The following FNDC1 variants were observed in gnomAD, a reference collection of about 807,000 sequenced individuals.
The protein encoded by FNDC1 is fibronectin type III domain containing 1.
A neutral mutation model predicts 168.0 loss-of-function variants in FNDC1; 96 were observed. The ratio of observed to expected loss-of-function variants is 0.57; its 90% CI spans 0.48 to 0.68. The LOEUF (loss-of-function observed/expected upper bound fraction) is 0.68. FNDC1 is among the 30% of genes least tolerant of loss of function. The pLI, the probability that FNDC1 is intolerant of heterozygous loss-of-function variation, is 0.00. For synonymous variants in FNDC1, 1,099 were observed against 1,025.9 expected (o/e 1.07, Z -1.36); for missense variants, 2,587 against 2,482.1 (o/e 1.04, Z -0.90).
Position 159,236,324 on chromosome 6 carries a change from A to C in FNDC1, c.4068+9A>C, listed in dbSNP as rs764667428. 6.3e-7 allele frequency: 1 copy of C among 1,591,872 alleles called. No homozygotes were observed. Among genetic ancestry groups the C allele is most frequent in the South Asian group, 1.1e-5 (1 of 90,076 alleles). On this transcript the variant is annotated intron_variant, in intron 12 of 22. Coordinates refer to ENST00000297267, the MANE Select transcript of FNDC1 (RefSeq NM_032532.3). ...CTCAAGGAACAAAGTGGGTAGGGTA[A>C]ACTTCTTTACACATCCCCGTTGTTT...
chr6:159,204,948 G>A (rs1562636316), intron 4 of FNDC1, among the ~76,000 whole-genome samples: 1 of 152,138 alleles, frequency 6.6e-6, no homozygotes, highest in Non-Finnish European at 1.5e-5. Context: ...GGGGGATGAA[G>A]GTTTCAGCTG....
intron 1 of FNDC1, among the ~76,000 whole-genome samples, chr6:159,176,054 CT>C (rs1231933703): frequency 1.3e-5 from 2 of 152,192 alleles, no homozygotes; most frequent in Non-Finnish European, 2.9e-5. Context: ...CATTTAAATG[CT>C]GGGCTCTGCT....
At chr6:159,196,143 G>A (rs1310084014) in intron 1 of FNDC1, among the ~76,000 whole-genome samples, 2 of 152,220 alleles carry the variant, frequency 1.3e-5, no homozygotes, top group African/African-American at 4.8e-5. Context: ...ATTTCCCAAA[G>A]AGCATGAGCC....
chr6:159,213,605 C>G (rs1782650148), intron 4 of FNDC1, among the ~76,000 whole-genome samples: 2 of 151,936 alleles, frequency 1.3e-5, no homozygotes, highest in Non-Finnish European at 2.9e-5. Context: ...GCTGTCTCTG[C>G]TCAATGATTT....
rs534596704 is a variant in FNDC1, at chr6:159,236,239, A to G, written c.3992A>G (p.Glu1331Gly). The G allele has an allele frequency of 6.2e-7, 1 of 1,613,658 alleles. No individual in the cohort carries two copies. The highest frequency in any genetic ancestry group is 1.3e-5 in the African/African-American group (1 of 75,050). ...GGTTATAATGGCAGACCAAATGTAG[A>G]AGGGAAAGTCCTTCCTGGTAGTAAT... Reference protein sequence around the residue: ...RQGYNGRPNVEGKVLPGSNGK... With the variant: ...RQGYNGRPNVGGKVLPGSNGK... The change falls in exon 12 of 23, where the codon GAA becomes GGA. Residue 1331 changes from glutamate (E) to glycine (G), a missense_variant. Transcript: ENST00000297267.
chr6:159,226,571 A>T lies in FNDC1; in HGVS notation c.1171A>T (p.Lys391Ter), dbSNP rs770652051. Residue 391 changes from lysine (K) to a stop codon, truncating the protein, a stop_gained, in exon 9 of 23, where the codon AAA becomes TAA. Coordinates refer to ENST00000297267, the MANE Select transcript of FNDC1 (RefSeq NM_032532.3). LOFTEE classifies it high-confidence loss of function. ...GGATGCGCTACCAGAGACTGAGGGG[A>T]AAGTGAAAGGTAGGAATCTCACTCC... Reference protein sequence around the residue: ...SWDALPETEGKVKEYILSYAP... With the variant: ...SWDALPETEG 1 of 1,603,808 alleles carries T rather than the reference A, an allele frequency of 6.2e-7. No individual in the cohort carries two copies. The highest frequency in any genetic ancestry group is 8.5e-7 in the Non-Finnish European group (1 of 1,174,682).
At chr6:159,258,763 A>G (rs1034775898) in intron 18 of FNDC1, among the ~76,000 whole-genome samples, 1 of 152,216 alleles carries the variant, frequency 6.6e-6, no homozygotes, top group African/African-American at 2.4e-5. Context: ...TAGAGCTAAG[A>G]AAGTACAAGT....
rs761371632 is a variant in FNDC1 at position 159,200,537 on chromosome 6, G to A, written c.416G>A (p.Gly139Asp). The A allele has an allele frequency of 1.9e-6, 3 of 1,600,670 alleles. No individual in the cohort carries two copies. In the South Asian group the frequency reaches 3.4e-5, roughly 18 times the overall value. Residue 139 changes from glycine (G) to aspartate (D), a missense_variant, in exon 4 of 23, where the codon GGT becomes GAT. Coordinates refer to ENST00000297267, the MANE Select transcript of FNDC1 (RefSeq NM_032532.3). ...GGAGGTGAATGGATCGAGATTGATG[G>A]TTTTCCCATTAAGGGTCCAGGACCA... Reference protein sequence around the residue: ...PPGGEWIEIDGFPIKGPGPFN... With the variant: ...PPGGEWIEIDDFPIKGPGPFN...
intron 15 of FNDC1, among the ~76,000 whole-genome samples, chr6:159,247,414 G>T (rs528757416): frequency 1.3e-5 from 2 of 152,024 alleles, no homozygotes; most frequent in Admixed American, 6.5e-5. Flanking sequence ...TAGATCTGTT[G>T]ATTTCTTATC....
At chr6:159,220,330 C>T (rs569427386) in intron 5 of FNDC1, among the ~76,000 whole-genome samples, 1 of 152,348 alleles carries the variant, frequency 6.6e-6, no homozygotes, top group South Asian at 2.1e-4. Context: ...AAGGAGAGTG[C>T]GTGCTCTCAG....
intron 7 of FNDC1, 45 bp downstream of exon 7, chr6:159,223,690 T>A: frequency 8.5e-7 from 1 of 1,170,458 alleles, no homozygotes; most frequent in Non-Finnish European, 1.3e-6. Context: ...GAGATGGGGT[T>A]TTTCTGGCCC....
chr6:159,225,325 A>C (rs573652745), intron 7 of FNDC1, among the ~76,000 whole-genome samples: 2 of 151,168 alleles, frequency 1.3e-5, no homozygotes, highest in South Asian at 4.2e-4. Flanking sequence ...GGTCTTGAAA[A>C]GACACTAAGC....
At chr6:159,255,367 A>G (rs1399242607) in intron 17 of FNDC1, among the ~76,000 whole-genome samples, 1 of 151,964 alleles carries the variant, frequency 6.6e-6, no homozygotes, top group Non-Finnish European at 1.5e-5. Flanking sequence ...TTCAGATGTC[A>G]ACTCCTTTTC....
At position 159,233,436 on chromosome 6, in the gene FNDC1, A is replaced by G; in HGVS notation, c.2924A>G (p.His975Arg). Residue 975 changes from histidine to arginine, a missense_variant, in exon 11 of 23, where the codon CAC becomes CGC. Transcript: ENST00000297267. The surrounding 1 kb of genome is among the most constrained non-coding windows in gnomAD (Gnocchi z 4.6). The stretch of plus-strand genomic sequence containing the variant: ...GCACAGCCAGGGTCCACAGACCGCC[A>G]CGCGTCCCCTGCTCGTCCGCCCGCA... Reference protein sequence around the residue: ...PKAQPGSTDRHASPARPPAAR... With the variant: ...PKAQPGSTDRRASPARPPAAR... 6.2e-7 allele frequency: 1 copy of G among 1,610,626 alleles called. No individual in the cohort carries two copies. The highest frequency in any genetic ancestry group is 1.3e-5 in the African/African-American group (1 of 75,010).
At chr6:159,241,340 T>C (rs1171191473) in intron 14 of FNDC1, among the ~76,000 whole-genome samples, 1 of 152,242 alleles carries the variant, frequency 6.6e-6, no homozygotes, top group Non-Finnish European at 1.5e-5. Flanking sequence ...CACATTTTAT[T>C]TTGTCTGCTT....
chr6:159,262,957 A>G (rs1274469745), intron 19 of FNDC1, among the ~76,000 whole-genome samples: 1 of 152,278 alleles, frequency 6.6e-6, no homozygotes, highest in African/African-American at 2.4e-5. Flanking sequence ...TAACCTGCTG[A>G]AAATGGCTAG....
chr6:159,226,372 T>A (rs955698732), intron 8 of FNDC1, 101 bp from the exon 9 acceptor site: 1 of 811,760 alleles, frequency 1.2e-6, no homozygotes, highest in Non-Finnish European at 1.9e-6. Context: ...ACACAGTAGG[T>A]CTTCAATTTA....
At chr6:159,261,369 T>C in intron 19 of FNDC1, 100 bp downstream of exon 19, 1 of 801,700 alleles carries the variant, frequency 1.2e-6, no homozygotes. Flanking sequence ...TACTTTTCTA[T>C]TTAATGAGCT....
At chr6:159,270,956 A>G (rs960793315) in intron 22 of FNDC1, among the ~76,000 whole-genome samples, 1 of 152,238 alleles carries the variant, frequency 6.6e-6, no homozygotes, top group Non-Finnish European at 1.5e-5. Context: ...TGGGGACTGG[A>G]CGATCTCTAC....
Sources: gnomAD v4.1 joint callset for allele counts (sites outside exome capture counted in the v4.1 genomes callset) on GRCh38, gnomAD v4.1.1 for gene constraint, Gnocchi (gnomAD v3.1) non-coding constraint, MANE v1.5 for transcripts, NCBI Gene and HGNC (gene_info 2026-07-23, HGNC 2026-07-21) for gene names.